PECR: variants seen among roughly 807,000 people sequenced by gnomAD.
The protein encoded by PECR is peroxisomal trans-2-enoyl-CoA reductase.
A neutral mutation model predicts 35.3 loss-of-function variants in PECR; 30 were observed. The ratio of observed to expected loss-of-function variants is 0.85; its 90% CI spans 0.64 to 1.15. The LOEUF (loss-of-function observed/expected upper bound fraction) is 1.15, where lower values mean the gene tolerates loss of function less well. Ranked by LOEUF, PECR falls within the 50% of genes most tolerant of loss-of-function variation. PECR has a pLI of 0.00. For synonymous variants in PECR, 148 were observed against 138.9 expected (o/e 1.07, Z -0.46); for missense variants, 392 against 370.8 (o/e 1.06, Z -0.47).
intron 1 of PECR, among the ~76,000 whole-genome samples, chr2:216,077,048 C>T (rs1225560168): frequency 1.3e-5 from 2 of 151,434 alleles, no homozygotes; most frequent in African/African-American, 2.4e-5. Flanking sequence ...TACACGCACG[C>T]ACCACCTCGC....
intron 6 of PECR, 125 bp from the exon 7 acceptor site, chr2:216,044,140 T>G: frequency 1.5e-6 from 1 of 682,640 alleles, no homozygotes; most frequent in Non-Finnish European, 2.7e-6. Flanking sequence ...AGTGTGTGCA[T>G]GTGCACCACA....
intron 1 of PECR, among the ~76,000 whole-genome samples, chr2:216,070,585 C>T (rs556211459): frequency 1.3e-5 from 2 of 152,246 alleles, no homozygotes; most frequent in Admixed American, 6.5e-5. Flanking sequence ...CGACACTGAA[C>T]GAAGGAGGAT....
intron 3 of PECR, among the ~76,000 whole-genome samples, chr2:216,060,391 GT>G (rs1459855254): frequency 6.6e-6 from 1 of 152,162 alleles, no homozygotes; most frequent in Non-Finnish European, 1.5e-5. Flanking sequence ...GCTAGGAGTG[GT>G]GGCTCACACC....
intron 7 of PECR, among the ~76,000 whole-genome samples, chr2:216,031,691 G>GAAAGAAAGAAAGAGAA (rs1473248845): frequency 2.1e-4 from 13 of 61,162 alleles, no homozygotes; most frequent in South Asian, 1.5e-3. Flanking sequence ...AAGAAAGAAA[G>GAAAGAAAGAAAGAGAA]AGAAAGAAAG....
chr2:216,064,444 G>T (rs1695421866), intron 3 of PECR, among the ~76,000 whole-genome samples: 1 of 152,182 alleles, frequency 6.6e-6, no homozygotes, highest in South Asian at 2.1e-4. Flanking sequence ...AGATTTGATA[G>T]CAAGAACTGG....
chr2:216,031,428 G>GA (rs35132167), intron 7 of PECR, among the ~76,000 whole-genome samples: 1,059 of 56,712 alleles, frequency 0.019, 10 homozygotes, highest in African/African-American at 0.048. Context: ...AAGAAAGAAA[G>GA]AAAAGAAAGA....
intron 1 of PECR, among the ~76,000 whole-genome samples, chr2:216,069,807 G>A (rs1377426803): frequency 6.6e-6 from 1 of 151,876 alleles, no homozygotes; most frequent in Non-Finnish European, 1.5e-5. Context: ...GTGGTGGTGG[G>A]CGCCTGTAAT....
In PECR at chr2:216,073,080, A is replaced by G. The variant is rs1456341550; in HGVS notation, c.125-6562T>C. Among the ~76,000 whole-genome samples, 10 of 152,356 alleles carry G rather than the reference A, an allele frequency of 6.6e-5. No individual in the cohort carries two copies. The East Asian group carries it at 1.9e-3, about 29-fold the overall frequency. ...AATCTGAGGGTTTTATAAAGCAAAA[A>G]TTGGAAAGATTCACCATAAGTTCCT... On this transcript the variant is annotated intron_variant, in intron 1 of 7. Coordinates refer to ENST00000265322, the MANE Select transcript of PECR (RefSeq NM_018441.6).
rs1553558903 is a variant in PECR, at chr2:216,031,685, A to AAGAG, written c.*440+7505_*440+7506insCTCT. Among the ~76,000 whole-genome samples the AAGAG allele has an allele frequency of 4.8e-4, 26 of 54,126 alleles. 1 individual carries two copies. Among genetic ancestry groups the AAGAG allele is most frequent in the South Asian group, 1.4e-3 (3 of 2,096 alleles). The allele number at this position is 54,126 out of a possible 152,430, so 35.5% of individuals were successfully genotyped here. A position where few individuals can be genotyped will look rare whatever the true frequency, so the allele number is the denominator to read the frequency against. On this transcript the variant is annotated intron_variant and NMD_transcript_variant, in intron 7 of 7. Transcript: ENST00000442122. ...AAAGAAAGAAAGAAAGAAAGAAAGA[A>AAGAG]AGAAAGAGAAAGAAAGAAAGAAAGA...
At chr2:216,060,327 A>C (rs1695311438) in intron 3 of PECR, among the ~76,000 whole-genome samples, 1 of 152,162 alleles carries the variant, frequency 6.6e-6, no homozygotes, top group Non-Finnish European at 1.5e-5. Context: ...ATGATAACCC[A>C]GTAGTAGTGA....
At chr2:216,061,961 T>C (rs1695362709) in intron 3 of PECR, among the ~76,000 whole-genome samples, 2 of 147,798 alleles carry the variant, frequency 1.4e-5, no homozygotes, top group South Asian at 4.5e-4. Flanking sequence ...AAAACGAGTG[T>C]GTGTGAGTAT....
At chr2:216,067,133 T>C (rs915108229) in intron 1 of PECR, among the ~76,000 whole-genome samples, 4 of 151,958 alleles carry the variant, frequency 2.6e-5, no homozygotes, top group African/African-American at 9.7e-5. Context: ...GACCAAAGTC[T>C]CCCTGGCGGA....
intron 7 of PECR, among the ~76,000 whole-genome samples, chr2:216,031,244 T>C (rs1184472040): frequency 1.3e-5 from 2 of 151,586 alleles, no homozygotes; most frequent in Non-Finnish European, 2.9e-5. Flanking sequence ...TCATCTCTAC[T>C]AAAAATACAA....
chr2:216,069,493 G>A (rs1039553473), intron 1 of PECR, among the ~76,000 whole-genome samples: 1 of 152,170 alleles, frequency 6.6e-6, no homozygotes, highest in African/African-American at 2.4e-5. Flanking sequence ...AATTATAAAA[G>A]GGGAATGCGT....
intron 1 of PECR, among the ~76,000 whole-genome samples, chr2:216,080,403 T>TG (rs1328865705): frequency 6.6e-6 from 1 of 152,198 alleles, no homozygotes. Context: ...AACGGAAGCA[T>TG]TATATTTCAT....
Position 216,038,505 on chromosome 2 carries a change from C to A in PECR, c.*770G>T, listed in dbSNP as rs532323107. On this transcript the variant is annotated 3_prime_UTR_variant, in exon 8 of 8. Transcript: ENST00000265322. ...GGCATTATTGCTCCTAAAGTATTTG[C>A]CACCAAAAATAAGTCATTGTATAAT... is the stretch of plus-strand genomic sequence containing the variant. 3 of 152,250 alleles carry A rather than the reference C, an allele frequency of 2.0e-5. No homozygotes were observed. In the South Asian group the frequency reaches 6.2e-4, roughly 32 times the overall value. The allele number at this position is 152,250 out of a possible 1,614,324, so 9.4% of individuals were successfully genotyped here.
At chr2:216,046,745 A>G (rs1043085306) in intron 6 of PECR, among the ~76,000 whole-genome samples, 2 of 152,206 alleles carry the variant, frequency 1.3e-5, no homozygotes, top group African/African-American at 4.8e-5. Context: ...TTGATTTAAC[A>G]GTATCTTCCA....
chr2:216,069,547 T>A (rs892163688), intron 1 of PECR, among the ~76,000 whole-genome samples: 3 of 152,260 alleles, frequency 2.0e-5, no homozygotes, highest in Non-Finnish European at 4.4e-5. Flanking sequence ...CAAAAGATCT[T>A]ACTGAAGGCA....
intron 4 of PECR, among the ~76,000 whole-genome samples, chr2:216,051,951 C>T (rs1695124366): frequency 6.6e-6 from 1 of 152,162 alleles, no homozygotes; most frequent in Non-Finnish European, 1.5e-5. Flanking sequence ...CTTTGGGAGG[C>T]CAAGGCGGGC....
Sources: gnomAD v4.1 joint callset for allele counts (sites outside exome capture counted in the v4.1 genomes callset) on GRCh38, gnomAD v4.1.1 for gene constraint, MANE v1.5 for transcripts, NCBI Gene and HGNC (gene_info 2026-07-23, HGNC 2026-07-21) for gene names.